Variants in MED12L observed in about 807,000 individuals in gnomAD.
The protein encoded by MED12L is mediator complex subunit 12L.
In MED12L, 60 loss-of-function variants were observed where a neutral mutation model predicts 281.3. The ratio of observed to expected loss-of-function variants is 0.21; its 90% confidence interval spans 0.17 to 0.26. The LOEUF (loss-of-function observed/expected upper bound fraction) is 0.26, where lower values mean the gene tolerates loss of function less well. Among genes scored for constraint, MED12L ranks in the 10% least tolerant of loss-of-function variants. The pLI is 1.00. For synonymous variants in MED12L, 974 were observed against 987.2 expected (o/e 0.99, Z 0.25); for missense variants, 2,146 against 2,680.9 (o/e 0.80, Z 4.41).
At chr3:151,411,603 A>G (rs565955655) in intron 41 of MED12L, 96 bp downstream of exon 41, 1 of 1,085,964 alleles carries the variant, frequency 9.2e-7, no homozygotes, top group African/African-American at 1.6e-5. Context: ...CATTGTTTTT[A>G]TGAGCTTGCA....
intron 16 of MED12L, among the ~76,000 whole-genome samples, chr3:151,304,873 G>C (rs183586314): frequency 6.6e-6 from 1 of 152,286 alleles, no homozygotes; most frequent in East Asian, 1.9e-4. Flanking sequence ...GTATATCATA[G>C]GTACACAGTT....
intron 39 of MED12L, among the ~76,000 whole-genome samples, chr3:151,408,148 A>C (rs926215539): frequency 2.0e-5 from 3 of 152,212 alleles, no homozygotes; most frequent in Non-Finnish European, 4.4e-5. Context: ...AAGTTTGCTA[A>C]GTTGCTTAAG....
At chr3:151,134,070 C>G (rs73155784) in intron 5 of MED12L, among the ~76,000 whole-genome samples, 4 of 152,088 alleles carry the variant, frequency 2.6e-5, no homozygotes, top group Non-Finnish European at 4.4e-5. Context: ...AGCAGGGATA[C>G]GGTGCTAACT....
intron 16 of MED12L, among the ~76,000 whole-genome samples, chr3:151,235,692 C>CAAAT (rs139535921): frequency 0.011 from 1,695 of 149,062 alleles, 33 homozygotes; most frequent in African/African-American, 0.039. Flanking sequence ...GACTCCATCT[C>CAAAT]AAATAAATAA....
At chr3:151,191,080 G>A in intron 14 of MED12L, 149 bp downstream of exon 14, 1 of 670,804 alleles carries the variant, frequency 1.5e-6, no homozygotes, top group African/African-American at 1.8e-5. Flanking sequence ...TCTCGAGCAG[G>A]AAAGATATTT....
chr3:151,379,842 T>C (rs1711922823), intron 31 of MED12L, among the ~76,000 whole-genome samples: 1 of 152,238 alleles, frequency 6.6e-6, no homozygotes, highest in Admixed American at 6.5e-5. Flanking sequence ...CACTGTCTTC[T>C]ACCCTCACTG....
intron 3 of MED12L, among the ~76,000 whole-genome samples, chr3:151,116,918 A>T (rs1479792003): frequency 6.6e-6 from 1 of 152,154 alleles, no homozygotes; most frequent in Non-Finnish European, 1.5e-5. Flanking sequence ...ATCTCCCTGC[A>T]TTGGAAAGGT....
At chr3:151,412,755 A>G (rs1717102898) in intron 41 of MED12L, among the ~76,000 whole-genome samples, 1 of 152,074 alleles carries the variant, frequency 6.6e-6, no homozygotes. Flanking sequence ...CTGTTTTTTC[A>G]TTTTTAAAGT....
Position 151,388,066 on chromosome 3 carries a change from C to G in MED12L, c.5345C>G (p.Pro1782Arg), listed in dbSNP as rs150905004. The change falls in exon 37 of 45, where the codon CCA (proline) becomes CGA (arginine). Residue 1782 changes from proline to arginine, a missense_variant. Transcript: ENST00000687756. ...CCCACATCTCCAGTTTCTCAGGAAC[C>G]AGAAAGGAAGTCCGCTGAGCTGTCA... ...EEPTSPVSQEPERKSAELSDQ... is the reference protein window; with the variant it reads ...EEPTSPVSQERERKSAELSDQ... The G allele has an allele frequency of 1.7e-5, 27 of 1,613,854 alleles. No individual in the cohort carries two copies. Among genetic ancestry groups the G allele is most frequent in the Non-Finnish European group, 2.3e-5 (27 of 1,179,974 alleles).
chr3:151,137,280 C>T (rs1366541684), intron 5 of MED12L, among the ~76,000 whole-genome samples: 3 of 151,588 alleles, frequency 2.0e-5, no homozygotes, highest in Admixed American at 6.6e-5. Flanking sequence ...TGTTAAATTT[C>T]GTGTTAAAAT....
At chr3:151,104,010 T>C (rs1166642971) in intron 2 of MED12L, among the ~76,000 whole-genome samples, 1 of 152,242 alleles carries the variant, frequency 6.6e-6, no homozygotes, top group African/African-American at 2.4e-5. Context: ...ATTACCATGA[T>C]TTTTTTCTTT....
At chr3:151,226,655 A>G (rs750437443) in intron 16 of MED12L, among the ~76,000 whole-genome samples, 1 of 151,616 alleles carries the variant, frequency 6.6e-6, no homozygotes, top group Non-Finnish European at 1.5e-5. Flanking sequence ...TATGTTTGAG[A>G]GTATATATAT....
At chr3:151,338,186 G>T in intron 16 of MED12L, 1 of 1,613,938 alleles carries the variant, frequency 6.2e-7, no homozygotes, top group Non-Finnish European at 8.5e-7. Flanking sequence ...TCGTTCTTAC[G>T]TATGACCGGT....
chr3:151,157,982 T>G (rs1274349679), intron 6 of MED12L, among the ~76,000 whole-genome samples: 1 of 152,168 alleles, frequency 6.6e-6, no homozygotes, highest in Admixed American at 6.5e-5. Context: ...TAAAATAATG[T>G]GTTTATCTAT....
intron 41 of MED12L, among the ~76,000 whole-genome samples, chr3:151,412,537 C>T (rs1026381501): frequency 1.3e-5 from 2 of 152,152 alleles, no homozygotes; most frequent in African/African-American, 2.4e-5. Context: ...TCCAAGTAAT[C>T]GCTCTTTGGA....
intron 16 of MED12L, chr3:151,198,184 G>T: frequency 3.0e-6 from 1 of 335,762 alleles, no homozygotes; most frequent in African/African-American, 2.1e-5. Context: ...TTTTACATTC[G>T]TTCAATGAGA....
At chr3:151,250,106 G>T (rs1352545500) in intron 16 of MED12L, among the ~76,000 whole-genome samples, 2 of 152,070 alleles carry the variant, frequency 1.3e-5, no homozygotes, top group Non-Finnish European at 2.9e-5. Flanking sequence ...TGTTGGAAAT[G>T]GTCTGCGTTT....
chr3:151,246,240 T>C (rs1268926135), intron 16 of MED12L, among the ~76,000 whole-genome samples: 1 of 152,154 alleles, frequency 6.6e-6, no homozygotes, highest in Admixed American at 6.5e-5. Context: ...AAGCTACCAA[T>C]GCCTTTCTTC....
intron 39 of MED12L, 53 bp downstream of exon 39, chr3:151,394,920 C>A: frequency 6.2e-7 from 1 of 1,608,330 alleles, no homozygotes; most frequent in Non-Finnish European, 8.5e-7. Flanking sequence ...CCTCTGCTAG[C>A]TTGGGATAAG....
Sources: gnomAD v4.1 joint callset for allele counts (sites outside exome capture counted in the v4.1 genomes callset) on GRCh38, gnomAD v4.1.1 for gene constraint, MANE v1.5 for transcripts, NCBI Gene and HGNC (gene_info 2026-07-23, HGNC 2026-07-21) for gene names.